Variants in DGKD observed in about 807,000 individuals in gnomAD.
DGKD encodes the protein DAG kinase delta.
DGKD carries 68 observed loss-of-function variants against 154.4 expected under a neutral mutation model. That is an observed-to-expected ratio of 0.44 (90% CI 0.36 to 0.54). The LOEUF is 0.54. DGKD is among the 20% of genes least tolerant of loss of function. The pLI is 0.00. For synonymous variants in DGKD, 693 were observed against 638.0 expected, an observed-to-expected ratio of 1.09 and a Z score of -1.30; for missense variants, 1,343 against 1,593.6, an observed-to-expected ratio of 0.84 and a Z score of 2.68.
At chr2:233,422,652 T>TA (rs1354934695) in intron 3 of DGKD, among the ~76,000 whole-genome samples, 1 of 152,248 alleles carries the variant, frequency 6.6e-6, no homozygotes, top group Non-Finnish European at 1.5e-5. Context: ...GCTGCCCACA[T>TA]ACGCCCTTGT....
At chr2:233,389,897 C>A (rs1703476533) in intron 2 of DGKD, among the ~76,000 whole-genome samples, 1 of 152,104 alleles carries the variant, frequency 6.6e-6, no homozygotes, top group African/African-American at 2.4e-5. Context: ...ACGGCCAGAC[C>A]CTTTCCATTT....
At chr2:233,392,359 G>A (rs1423857886) in intron 3 of DGKD, 1 of 152,106 alleles carries the variant, frequency 6.6e-6, no homozygotes, top group Non-Finnish European at 1.5e-5. Context: ...TTTGGTTTCA[G>A]TTATTTGCAT....
At position 233,452,608 on chromosome 2, in the gene DGKD, C is replaced by A. The variant is rs983524656; in HGVS notation, c.2264+548C>A. Reference sequence around the variant, plus strand: ...TAGCCTGTGCTGAGGCTTATAAGGGCTGCTGCGTGCCTGCGTGCTGATACT... The same window carrying A: ...TAGCCTGTGCTGAGGCTTATAAGGGATGCTGCGTGCCTGCGTGCTGATACT... On this transcript the variant is annotated intron_variant, in intron 18 of 29. Transcript: ENST00000264057. This position sits in a 1 kb window ranked among gnomAD's most constrained non-coding sequence, Gnocchi z 4.0. Among the ~76,000 whole-genome samples the A allele has an allele frequency of 6.6e-6, 1 of 152,202 alleles. No homozygotes were observed. Among genetic ancestry groups the A allele is most frequent in the Non-Finnish European group, 1.5e-5 (1 of 68,032 alleles).
chr2:233,410,856 A>G (rs1191387866), intron 3 of DGKD, among the ~76,000 whole-genome samples: 1 of 152,130 alleles, frequency 6.6e-6, no homozygotes, highest in Non-Finnish European at 1.5e-5. Flanking sequence ...CACCCTGAGA[A>G]TTTCCTTGTA....
At chr2:233,394,691 CTTTTTTTTTTT>C (rs1162430401) in intron 3 of DGKD, among the ~76,000 whole-genome samples, 8 of 26,390 alleles carry the variant, frequency 3.0e-4, no homozygotes, top group African/African-American at 6.5e-4. Flanking sequence ...ATTTAATTCC[CTTTTTTTTTTT>C]TTTTTTTTTT....
chr2:233,414,411 C>A (rs1042195358), intron 3 of DGKD, among the ~76,000 whole-genome samples: 6 of 152,214 alleles, frequency 3.9e-5, no homozygotes, highest in African/African-American at 1.4e-4. Flanking sequence ...GACCTGTAGT[C>A]TCTCCTGTTA....
intron 1 of DGKD, among the ~76,000 whole-genome samples, chr2:233,363,449 A>C (rs1701879149): frequency 6.6e-6 from 1 of 152,232 alleles, no homozygotes; most frequent in African/African-American, 2.4e-5. Flanking sequence ...ACAAAAGAGT[A>C]AAAAATTAAA....
chr2:233,414,197 C>T (rs2061899872), intron 3 of DGKD, among the ~76,000 whole-genome samples: 1 of 152,170 alleles, frequency 6.6e-6, no homozygotes, highest in Non-Finnish European at 1.5e-5. Flanking sequence ...TGGACTGGGC[C>T]TCTCTCTTTC....
chr2:233,367,838 C>T (rs1702103931), intron 1 of DGKD, among the ~76,000 whole-genome samples: 1 of 139,372 alleles, frequency 7.2e-6, no homozygotes, highest in Non-Finnish European at 1.5e-5. Flanking sequence ...TCTTTTCTTC[C>T]TCTTTTTTTT....
rs1223218457 is a variant in DGKD, at chr2:233,457,136, GC to G, written c.2473-81del. On this transcript the variant is annotated intron_variant, in intron 20 of 29. Transcript: ENST00000264057. This position sits in a 1 kb window ranked among gnomAD's most constrained non-coding sequence, Gnocchi z 5.5. ...GCCCTGGCCACGGCTGTGCTCCTGA[GC>G]CCCTGGCGGTGGGAAGCTGGTAGAG... The G allele has an allele frequency of 3.7e-5, 49 of 1,323,924 alleles. No individual in the cohort carries two copies. The East Asian group carries it at 8.3e-4, about 23-fold the overall frequency. The allele number at this position is 1,323,924 out of a possible 1,614,324, so 82.0% of individuals were successfully genotyped here.
At chr2:233,396,948 GA>G (rs1704094854) in intron 3 of DGKD, among the ~76,000 whole-genome samples, 1 of 134,886 alleles carries the variant, frequency 7.4e-6, no homozygotes, top group African/African-American at 2.8e-5. Context: ...AGAGCGAGAG[GA>G]CACCAGAGGG....
intron 5 of DGKD, 127 bp from the exon 6 acceptor site, chr2:233,435,690 TA>T: frequency 1.4e-6 from 1 of 720,466 alleles, no homozygotes; most frequent in African/African-American, 1.8e-5. Flanking sequence ...AGTTCACTTA[TA>T]AAATGGGAGT....
intron 3 of DGKD, among the ~76,000 whole-genome samples, chr2:233,406,841 G>A (rs1405006893): frequency 5.9e-5 from 9 of 152,114 alleles, no homozygotes; most frequent in Non-Finnish European, 1.3e-4. Flanking sequence ...TGCTCATACC[G>A]TATAGCTCTC....
intron 1 of DGKD, among the ~76,000 whole-genome samples, chr2:233,368,617 T>G (rs1702156997): frequency 6.6e-6 from 1 of 152,202 alleles, no homozygotes; most frequent in African/African-American, 2.4e-5. Context: ...ATTACCAATG[T>G]TCGAGGTAAG....
intron 1 of DGKD, among the ~76,000 whole-genome samples, chr2:233,387,392 C>T (rs912648387): frequency 8.5e-5 from 13 of 152,138 alleles, no homozygotes; most frequent in African/African-American, 3.1e-4. Context: ...AGTGTGCGAA[C>T]GCCGAGAGCC....
At chr2:233,372,640 G>T (rs1415139295) in intron 1 of DGKD, among the ~76,000 whole-genome samples, 1 of 150,752 alleles carries the variant, frequency 6.6e-6, no homozygotes, top group Non-Finnish European at 1.5e-5. Flanking sequence ...AGGGAGATCT[G>T]GCCAATGTGT....
intron 18 of DGKD, 176 bp from the exon 19 acceptor site, chr2:233,454,587 A>G: frequency 1.7e-6 from 1 of 589,160 alleles, no homozygotes; most frequent in Non-Finnish European, 3.1e-6. Flanking sequence ...AAAATAATTG[A>G]ATTGTACATT....
chr2:233,435,251 T>C (rs2062650694), intron 5 of DGKD, among the ~76,000 whole-genome samples: 2 of 151,970 alleles, frequency 1.3e-5, no homozygotes, highest in South Asian at 4.2e-4. Context: ...GGACTGAAAG[T>C]GTGTTACAGA....
chr2:233,442,455 A>C, intron 10 of DGKD: 1 of 294,140 alleles, frequency 3.4e-6, no homozygotes, highest in Non-Finnish European at 6.8e-6. Context: ...TCATATAGTC[A>C]TTTAATTTCC....
Sources: gnomAD v4.1 joint callset for allele counts (sites outside exome capture counted in the v4.1 genomes callset) on GRCh38, gnomAD v4.1.1 for gene constraint, Gnocchi (gnomAD v3.1) non-coding constraint, MANE v1.5 for transcripts, NCBI Gene and HGNC (gene_info 2026-07-23, HGNC 2026-07-21) for gene names.